Variants in TP53I13 observed in about 807,000 individuals in gnomAD.
TP53I13 encodes the protein tumor protein p53-inducible protein 13.
TP53I13 carries 27 observed loss-of-function variants against 39.1 expected under a neutral mutation model. The observed-to-expected ratio is 0.69, with a 90% confidence interval of 0.51 to 0.95. The LOEUF (loss-of-function observed/expected upper bound fraction) is 0.95. Ranked by LOEUF, TP53I13 falls within the 40% of genes least tolerant of loss-of-function variation. The probability of loss-of-function intolerance (pLI) is 0.00; values close to 1 mark genes in which losing one functional copy is unlikely to be tolerated. For synonymous variants in TP53I13, 230 were observed against 224.6 expected, an observed-to-expected ratio of 1.02 and a Z score of -0.22; for missense variants, 544 against 520.4, an observed-to-expected ratio of 1.05 and a Z score of -0.44.
rs1225160593 is a variant in TP53I13, at chr17:29,572,674, C to T, written c.1046C>T (p.Ala349Val). The change falls in exon 6 of 7, where the codon GCG becomes GTG. Residue 349 changes from alanine (A) to valine (V), a missense_variant. Transcript: ENST00000301057. ...RGESIYWGPT[A>V]DSQDTVAAVL... The stretch of plus-strand genomic sequence containing the variant: ...GAGAGCATCTACTGGGGGCCCACAG[C>T]GGACAGCCAGGACACAGTGGCTGGT... 4 of 1,572,266 alleles carry T rather than the reference C, an allele frequency of 2.5e-6. No homozygotes were observed. The South Asian group carries it at 3.5e-5, about 14-fold the overall frequency.
the TP53I13 span, chr17:29,578,886 C>T: frequency 1.3e-6 from 2 of 1,566,296 alleles, no homozygotes; most frequent in Non-Finnish European, 1.8e-6. Context: ...GGAGATGGCA[C>T]CCCAGATGCT....
chr17:29,574,880 C>T (rs2033130349), downstream of TP53I13: 4 of 1,579,516 alleles, frequency 2.5e-6, no homozygotes, highest in Non-Finnish European at 3.4e-6. Flanking sequence ...GTTGAGCAGC[C>T]GCAGTGAGCT....
chr17:29,571,363 G>C, intron 3 of TP53I13: 1 of 565,630 alleles, frequency 1.8e-6, no homozygotes, highest in Non-Finnish European at 3.1e-6. Flanking sequence ...CATGCTGTGA[G>C]CTTTGAAGGG....
Position 29,573,099 on chromosome 17 carries a change from G to A in TP53I13, c.*175G>A. The A allele has an allele frequency of 2.1e-6, 1 of 467,076 alleles. No individual in the cohort carries two copies. Among genetic ancestry groups the A allele is most frequent in the Non-Finnish European group, 3.6e-6 (1 of 276,204 alleles). The allele number at this position is 467,076 out of a possible 1,614,324, so 28.9% of individuals were successfully genotyped here. On this transcript the variant is annotated 3_prime_UTR_variant, in exon 7 of 7. Transcript: ENST00000301057. Reference sequence around the variant, plus strand: ...TGAGTGGGCGGCCAAGGGGAGAAAAGGAGCCGCTTCTGCCTCCCTTGCCAA... The same window carrying A: ...TGAGTGGGCGGCCAAGGGGAGAAAAAGAGCCGCTTCTGCCTCCCTTGCCAA...
chr17:29,568,693 C>CG (rs946365284), upstream of TP53I13: 2 of 1,093,600 alleles, frequency 1.8e-6, no homozygotes, highest in African/African-American at 3.4e-5. The surrounding 1 kb of genome is among the most constrained non-coding windows in gnomAD (Gnocchi z 4.5). Context: ...GCTGGAGGGG[C>CG]GGGGCGCGCG....
In TP53I13 at chr17:29,571,536, AGATTCTC is replaced by A; in HGVS notation, c.184-54_184-48del. On this transcript the variant is annotated intron_variant, in intron 3 of 6. Coordinates refer to ENST00000301057, the MANE Select transcript of TP53I13 (RefSeq NM_138349.4). ...CTGGTCCCCTGGATGGGAGAACTTG[AGATTCTC>A]TGGGAGGGCTCTGGGCCTGCTTTGA... The A allele has an allele frequency of 7.5e-6, 12 of 1,602,982 alleles. No individual in the cohort carries two copies. The South Asian group carries it at 8.8e-5, about 12-fold the overall frequency.
downstream of TP53I13, chr17:29,575,680 A>G (rs1344752951): frequency 3.1e-6 from 5 of 1,612,856 alleles, no homozygotes; most frequent in Admixed American, 1.7e-5. The surrounding 1 kb of genome is among the most constrained non-coding windows in gnomAD (Gnocchi z 5.5). Flanking sequence ...TGTCGGCTCC[A>G]CTGCCGTGGC....
downstream of TP53I13, chr17:29,575,400 C>T (rs779863155): frequency 7.4e-6 from 12 of 1,613,664 alleles, no homozygotes; most frequent in Non-Finnish European, 1.0e-5. This position sits in a 1 kb window ranked among gnomAD's most constrained non-coding sequence, Gnocchi z 5.5. Context: ...TCTAGGTCTC[C>T]ATCCAGGCTT....
downstream of TP53I13, chr17:29,574,681 G>A (rs762988606): frequency 1.1e-5 from 18 of 1,584,606 alleles, no homozygotes; most frequent in Admixed American, 3.3e-5. Flanking sequence ...TAGGGTGCAG[G>A]TGAGGGTGTG....
At chr17:29,581,163 T>G in the TP53I13 span, 1 of 626,712 alleles carries the variant, frequency 1.6e-6, no homozygotes, top group Non-Finnish European at 2.9e-6. This position sits in a 1 kb window ranked among gnomAD's most constrained non-coding sequence, Gnocchi z 4.8. Context: ...GGAGCTGACA[T>G]TTTTTACCTG....
In TP53I13 at chr17:29,572,639, C is replaced by T; in HGVS notation, c.1011C>T (p.Phe337=). ...TCTGCACACGGCTGCACAGAAACTT[C>T]CGACGCGGGGAGAGCATCTACTGGG... The part of the protein sequence containing the change: ...ATLCTRLHRN[F]RRGESIYWGP... The change falls in exon 6 of 7, where the codon TTC becomes TTT. Residue 337 remains phenylalanine (F), a synonymous_variant. Transcript: ENST00000301057. The T allele has an allele frequency of 6.3e-7, 1 of 1,586,650 alleles. No homozygotes were observed. The highest frequency in any genetic ancestry group is 8.6e-7 in the Non-Finnish European group (1 of 1,167,368).
At position 29,572,947 on chromosome 17, in the gene TP53I13, G is replaced by T; in HGVS notation, c.*23G>T. 2 of 1,412,726 alleles carry T rather than the reference G, an allele frequency of 1.4e-6. No homozygotes were observed. Among genetic ancestry groups the T allele is most frequent in the African/African-American group, 3.0e-5 (2 of 66,460 alleles). 87.5% of individuals were successfully genotyped at this position (1,412,726 alleles called of 1,614,324 possible). A position where few individuals can be genotyped will look rare whatever the true frequency, so the allele number is the denominator to read the frequency against. The stretch of plus-strand genomic sequence containing the variant: ...TGACGGCCTGGGACCTGCCACTGTG[G>T]CGTGCGGCTCCTCCCCGCGCCGCGA... On this transcript the variant is annotated 3_prime_UTR_variant, in exon 7 of 7. Transcript: ENST00000301057.
chr17:29,581,774 C>T, the TP53I13 span: 30 of 1,611,918 alleles, frequency 1.9e-5, no homozygotes, highest in African/African-American at 6.7e-5. This position sits in a 1 kb window ranked among gnomAD's most constrained non-coding sequence, Gnocchi z 4.8. Context: ...GAAGGCCAGC[C>T]GGTCAGTGAG....
chr17:29,569,348 A>G lies in TP53I13; in HGVS notation c.172A>G (p.Ser58Gly). The change falls in exon 3 of 7, where the codon AGC (serine) becomes GGC (glycine). Residue 58 changes from serine to glycine, a missense_variant. By Grantham distance (56) the Ser-to-Gly change is moderately conservative. Coordinates refer to ENST00000301057, the MANE Select transcript of TP53I13 (RefSeq NM_138349.4). ...ACCAAGAGTGACCTACACACGAGTGAGCCCAGGGCAGGTGAGTACAAGCAG... is the reference window on the plus strand; with the variant it reads ...ACCAAGAGTGACCTACACACGAGTGGGCCCAGGGCAGGTGAGTACAAGCAG... ...VSPRVTYTRV[S>G]PGQAEDVTFL... 6.2e-7 allele frequency: 1 copy of G among 1,613,808 alleles called. No individual in the cohort carries two copies. Among genetic ancestry groups the G allele is most frequent in the Non-Finnish European group, 8.5e-7 (1 of 1,179,902 alleles).
chr17:29,569,457 C>A, intron 3 of TP53I13, 98 bp downstream of exon 3: 1 of 1,193,204 alleles, frequency 8.4e-7, no homozygotes. Flanking sequence ...GGCCCCATTC[C>A]TTACCACTTC....
chr17:29,572,025 A>G lies in TP53I13; in HGVS notation c.481A>G (p.Arg161Gly), dbSNP rs1317197931. The change falls in exon 5 of 7, where the codon AGA becomes GGA. Residue 161 changes from arginine to glycine, a missense_variant. Physicochemically the swap from Arg to Gly is moderately radical, Grantham distance 125 (BLOSUM62 -2). Transcript: ENST00000301057. ...TGCTCCCTCCGAGCCAACTCCCGGT[A>G]GAGGGAGGCTGTGCCGAAGAGGGTG... ...GPAPSEPTPG[R>G]GRLCRRGCVQ... is the part of the protein sequence containing the mutation. The G allele has an allele frequency of 6.2e-7, 1 of 1,613,132 alleles. No individual in the cohort carries two copies. Among genetic ancestry groups the G allele is most frequent in the South Asian group, 1.1e-5 (1 of 91,070 alleles).
chr17:29,572,665 G>T lies in TP53I13; in HGVS notation c.1037G>T (p.Gly346Val). ...CGACGCGGGGAGAGCATCTACTGGG[G>T]GCCCACAGCGGACAGCCAGGACACA... ...NFRRGESIYW[G>V]PTADSQDTVA... The change falls in exon 6 of 7, where the codon GGG (glycine) becomes GTG (valine). Residue 346 changes from glycine (G) to valine (V), a missense_variant. Physicochemically the swap from Gly to Val is moderately radical, Grantham distance 109. Coordinates refer to ENST00000301057, the MANE Select transcript of TP53I13 (RefSeq NM_138349.4). 6.3e-7 allele frequency: 1 copy of T among 1,576,950 alleles called. No individual in the cohort carries two copies. The highest frequency in any genetic ancestry group is 8.6e-7 in the Non-Finnish European group (1 of 1,162,006).
At chr17:29,576,561 G>T, downstream of TP53I13, 1 of 1,614,006 alleles carries the variant, frequency 6.2e-7, no homozygotes, top group Non-Finnish European at 8.5e-7. Flanking sequence ...TCAGGCTACT[G>T]TTGACCTTCA....
Position 29,573,050 on chromosome 17 carries a change from G to A in TP53I13, c.*126G>A. The stretch of plus-strand genomic sequence containing the variant: ...GGCGCGGCACTGGCCGAGCACTGCG[G>A]GGGCTTTCCTCCTTGTTGGTTGCTG... On this transcript the variant is annotated 3_prime_UTR_variant, in exon 7 of 7. Transcript: ENST00000301057. The A allele has an allele frequency of 2.7e-6, 2 of 738,376 alleles. No individual in the cohort carries two copies. The highest frequency in any genetic ancestry group is 4.4e-5 in the Admixed American group (1 of 22,898). 45.7% of individuals were successfully genotyped at this position (738,376 alleles called of 1,614,324 possible). A position where few individuals can be genotyped will look rare whatever the true frequency, so the allele number is the denominator to read the frequency against.
Sources: allele counts gnomAD v4.1 joint callset, GRCh38; gene constraint gnomAD v4.1.1; non-coding constraint Gnocchi (gnomAD v3.1); transcripts MANE v1.5; gene names NCBI Gene and HGNC (gene_info 2026-07-23, HGNC 2026-07-21).